IGF2BP1: variants seen among roughly 807,000 people sequenced by gnomAD.
IGF2BP1 encodes insulin like growth factor 2 mRNA binding protein 1.
IGF2BP1 carries 11 observed loss-of-function variants against 74.9 expected under a neutral mutation model. That is an observed-to-expected ratio of 0.15 (90% CI 0.09 to 0.24). The LOEUF is 0.24. Ranked by LOEUF, IGF2BP1 falls within the 10% of genes least tolerant of loss-of-function variation. The pLI, the probability that IGF2BP1 is intolerant of heterozygous loss-of-function variation, is 1.00. For missense variants in IGF2BP1, 440 were observed against 757.4 expected, an observed-to-expected ratio of 0.58 and a Z score of 4.92; for synonymous variants, 287 against 281.8, an observed-to-expected ratio of 1.02 and a Z score of -0.18.
intron 2 of IGF2BP1, among the ~76,000 whole-genome samples, chr17:49,021,251 ACT>A (rs1335074815): frequency 1.3e-5 from 2 of 152,028 alleles, no homozygotes; most frequent in East Asian, 3.9e-4. Flanking sequence ...AAGGATGAGA[ACT>A]CTCAGCCCAG....
chr17:49,014,378 A>C (rs1360183256), intron 2 of IGF2BP1, among the ~76,000 whole-genome samples: 1 of 139,312 alleles, frequency 7.2e-6, no homozygotes, highest in African/African-American at 2.7e-5. Flanking sequence ...CCCCTGCTCC[A>C]CCGCGAGGGG....
At chr17:49,027,429 A>G (rs2041870724) in intron 4 of IGF2BP1, among the ~76,000 whole-genome samples, 1 of 152,190 alleles carries the variant, frequency 6.6e-6, no homozygotes, top group African/African-American at 2.4e-5. Flanking sequence ...ATTGGTAGCA[A>G]TATATGTCTT....
intron 5 of IGF2BP1, among the ~76,000 whole-genome samples, chr17:49,035,876 A>G (rs1002737360): frequency 2.0e-5 from 3 of 152,168 alleles, no homozygotes; most frequent in Non-Finnish European, 4.4e-5. Context: ...AAAAGCCCCA[A>G]CTGGCTGGAA....
chr17:49,035,477 C>T (rs1429930123), intron 5 of IGF2BP1, among the ~76,000 whole-genome samples: 1 of 152,206 alleles, frequency 6.6e-6, no homozygotes, highest in Non-Finnish European at 1.5e-5. Flanking sequence ...GTTATCTTTG[C>T]CCTGGGAGCC....
chr17:49,041,645 A>G, intron 8 of IGF2BP1, 145 bp downstream of exon 8: 1 of 1,139,012 alleles, frequency 8.8e-7, no homozygotes, highest in Non-Finnish European at 1.2e-6. Flanking sequence ...AGTGGTAAAG[A>G]GCATTTAAAA....
At chr17:49,027,717 TGGC>T (rs1306470743) in intron 4 of IGF2BP1, among the ~76,000 whole-genome samples, 4 of 151,562 alleles carry the variant, frequency 2.6e-5, no homozygotes, top group Admixed American at 6.6e-5. Context: ...CCGGGCGTGG[TGGC>T]GGGCACCTGT....
intron 2 of IGF2BP1, among the ~76,000 whole-genome samples, chr17:49,024,563 C>G (rs1394867836): frequency 6.6e-6 from 1 of 152,116 alleles, no homozygotes; most frequent in Non-Finnish European, 1.5e-5. Flanking sequence ...ACTTCAAGTA[C>G]TTACATTTTC....
chr17:49,040,539 C>A (rs2042039040), intron 7 of IGF2BP1, among the ~76,000 whole-genome samples: 1 of 152,196 alleles, frequency 6.6e-6, no homozygotes. Flanking sequence ...TGTCGTATGA[C>A]CTCCTAGAAA....
chr17:49,042,831 A>G (rs2144133536), intron 9 of IGF2BP1, among the ~76,000 whole-genome samples: 1 of 152,164 alleles, frequency 6.6e-6, no homozygotes, highest in Middle Eastern at 3.4e-3. Flanking sequence ...GGTGTACACC[A>G]CCATGCCCAG....
intron 11 of IGF2BP1, 31 bp from the exon 12 acceptor site, chr17:49,044,960 G>T: frequency 6.3e-7 from 1 of 1,590,230 alleles, no homozygotes; most frequent in African/African-American, 1.3e-5. Context: ...CCCATAGAGG[G>T]TCCCTCATTG....
At chr17:49,004,087 C>CGGCAATCTCG (rs1428680959) in intron 2 of IGF2BP1, among the ~76,000 whole-genome samples, 2 of 152,138 alleles carry the variant, frequency 1.3e-5, no homozygotes, top group East Asian at 3.9e-4. Flanking sequence ...AGTCCCAGCC[C>CGGCAATCTCG]GGCAATCTCG....
At chr17:49,003,972 AAGAGAGAGAGT>A (rs974257891) in intron 2 of IGF2BP1, among the ~76,000 whole-genome samples, 21 of 152,118 alleles carry the variant, frequency 1.4e-4, no homozygotes, top group African/African-American at 4.8e-4. Flanking sequence ...CCTTTCAAAA[AAGAGAGAGAGT>A]AGAGAGAGAG....
chr17:49,012,718 A>G (rs568755982), intron 2 of IGF2BP1, among the ~76,000 whole-genome samples: 2 of 152,294 alleles, frequency 1.3e-5, no homozygotes, highest in South Asian at 4.1e-4. Context: ...ATCATAATTC[A>G]TAGTTCATAC....
At chr17:49,027,851 C>CAGA (rs1442735296) in intron 4 of IGF2BP1, among the ~76,000 whole-genome samples, 3 of 44,114 alleles carry the variant, frequency 6.8e-5, no homozygotes, top group African/African-American at 1.1e-4. Context: ...GACTCTGTCT[C>CAGA]AGAAAAAAAA....
intron 6 of IGF2BP1, 23 bp downstream of exon 6, chr17:49,038,472 T>G: frequency 6.9e-7 from 1 of 1,456,314 alleles, no homozygotes; most frequent in Non-Finnish European, 9.1e-7. Flanking sequence ...TCTTGGGGAA[T>G]GGAGGTTGGG....
chr17:49,016,795 CCGCCCGCCCCCCTGT>C (rs1246126523), intron 2 of IGF2BP1, among the ~76,000 whole-genome samples: 1 of 125,914 alleles, frequency 7.9e-6, no homozygotes, highest in African/African-American at 3.0e-5. Flanking sequence ...GCCAGCCCGC[CCGCCCGCCCCCCTGT>C]CCTCCTGCCC....
In IGF2BP1 at chr17:49,041,419, T is replaced by C. The variant is rs148311931; in HGVS notation, c.860T>C (p.Phe287Ser). The C allele has an allele frequency of 6.2e-7, 1 of 1,613,870 alleles. No homozygotes were observed. The highest frequency in any genetic ancestry group is 1.3e-5 in the African/African-American group (1 of 74,922). Residue 287 changes from phenylalanine (F) to serine (S), a missense_variant, in exon 8 of 15, where the codon TTT becomes TCT. Physicochemically the swap from Phe to Ser is radical, Grantham distance 155. Around this residue, in one of 5 missense-constraint regions of IGF2BP1, gnomAD observed 184 missense variants for 273.4 expected, o/e 0.67. Coordinates refer to ENST00000290341, the MANE Select transcript of IGF2BP1 (RefSeq NM_006546.4). ...CTGAAGATCCTGGCCCATAATAACTTTGTAGGGCGTCTCATTGGCAAGGAA... is the reference window on the plus strand; with the variant it reads ...CTGAAGATCCTGGCCCATAATAACTCTGTAGGGCGTCTCATTGGCAAGGAA... Reference protein sequence around the residue: ...VPLKILAHNNFVGRLIGKEGR... With the variant: ...VPLKILAHNNSVGRLIGKEGR...
At chr17:49,049,223 T>C (rs2042139208) in intron 14 of IGF2BP1, 129 bp from the exon 15 acceptor site, 6 of 691,200 alleles carry the variant, frequency 8.7e-6, no homozygotes, top group South Asian at 5.6e-5. Context: ...TCTTCCTCTT[T>C]ATCTTTCTTC....
chr17:49,019,494 TATAAAC>T (rs1181564060), intron 2 of IGF2BP1, among the ~76,000 whole-genome samples: 1 of 152,100 alleles, frequency 6.6e-6, no homozygotes, highest in African/African-American at 2.4e-5. Flanking sequence ...TGGAAAGAAA[TATAAAC>T]ATAAAAGTAG....
Sources: gnomAD v4.1 joint callset for allele counts (sites outside exome capture counted in the v4.1 genomes callset) on GRCh38, gnomAD v4.1.1 for gene constraint, gnomAD v4.1.1 regional missense constraint, MANE v1.5 for transcripts, NCBI Gene and HGNC (gene_info 2026-07-23, HGNC 2026-07-21) for gene names.